The following DNAH1 variants were observed in gnomAD, a reference collection of about 807,000 sequenced individuals.
DNAH1 encodes the protein dynein axonemal heavy chain 1.
In DNAH1, 327 loss-of-function variants were observed where a neutral mutation model predicts 484.3. The observed-to-expected ratio is 0.68, with a 90% CI of 0.62 to 0.74. DNAH1 has a LOEUF of 0.74. Among genes scored for constraint, DNAH1 ranks in the 30% least tolerant of loss-of-function variants. The pLI is 0.00. For missense variants in DNAH1, 5,052 were observed against 5,546.8 expected (o/e 0.91, Z 2.83); for synonymous variants, 2,192 against 2,191.9 (o/e 1.00, Z 0.00).
rs774937357 is a variant in DNAH1, at chr3:52,380,089, C to A, written c.7562C>A (p.Pro2521Gln). 1 of 1,605,298 alleles carries A rather than the reference C, an allele frequency of 6.2e-7. No individual in the cohort carries two copies. The highest frequency in any genetic ancestry group is 8.5e-7 in the Non-Finnish European group (1 of 1,175,952). The change falls in exon 48 of 78, where the codon CCA (proline) becomes CAA (glutamine). Residue 2521 changes from proline (P) to glutamine (Q), a missense_variant. Pro to Gln is a moderately conservative substitution (Grantham distance 76, BLOSUM62 -1). Transcript: ENST00000420323. ...ATTCTTTACGGGGACTTCATGTCAC[C>A]AGGCTCCGATGTCAAGTCCTACGAG... Reference protein sequence around the residue: ...QPILYGDFMSPGSDVKSYELI... With the variant: ...QPILYGDFMSQGSDVKSYELI...
rs758289927 is a variant in DNAH1, at chr3:52,322,712, G to A, written c.270G>A (p.Pro90=). The A allele has an allele frequency of 3.5e-5, 57 of 1,613,278 alleles. No individual in the cohort carries two copies. Among genetic ancestry groups the A allele is most frequent in the Admixed American group, 1.0e-4 (6 of 59,918 alleles). ...SPLTGTDKKY[P]LMKQRGFYSD... is the part of the protein sequence containing the mutation. ...TGACAGGCACTGATAAGAAGTACCC[G>A]CTGATGAAGCAGCGTGGGTTCTACT... The change falls in exon 2 of 78, where the codon CCG becomes CCA. Residue 90 remains proline (P), a synonymous_variant. Coordinates refer to ENST00000420323, the MANE Select transcript of DNAH1 (RefSeq NM_015512.5).
In DNAH1 at chr3:52,370,821, AGCAGGTGGCC is replaced by A; in HGVS notation, c.6525+2_6525+11del. 1 of 1,596,488 alleles carries A rather than the reference AGCAGGTGGCC, an allele frequency of 6.3e-7. No homozygotes were observed. The highest frequency in any genetic ancestry group is 8.5e-7 in the Non-Finnish European group (1 of 1,172,052). On this transcript the variant is annotated splice_donor_variant and splice_donor_5th_base_variant and coding_sequence_variant and intron_variant, in exon 41 of 78. Transcript: ENST00000420323. LOFTEE classifies it high-confidence loss of function. ...AGTGAGGATGAAGAGGAGGAATACA[AGCAGGTGGCC>A]GCAGGCCCTCCCCAGAGACTGCACA...
Position 52,394,327 on chromosome 3 carries a change from C to T in DNAH1, c.10627-138C>T, listed in dbSNP as rs1227887432. 4.9e-6 allele frequency: 4 copies of T among 808,170 alleles called. No individual in the cohort carries two copies. In the African/African-American group the frequency reaches 6.9e-5, roughly 14 times the overall value. 50.1% of individuals were successfully genotyped at this position (808,170 alleles called of 1,614,324 possible). A position where few individuals can be genotyped will look rare whatever the true frequency, so the allele number is the denominator to read the frequency against. On this transcript the variant is annotated intron_variant, in intron 66 of 77. Transcript: ENST00000420323. The stretch of plus-strand genomic sequence containing the variant: ...GGCAGGGTGGGAACACTAACCCAGA[C>T]CTGTTTGACTACCATCCCCAAGGGA...
Position 52,381,578 on chromosome 3 carries a change from G to A in DNAH1, c.7609-62G>A. ...AGAGAAGAAAGCGGGTGGGTGGGGG[G>A]AATCGGGGAGACCCTACAGTAAGAG... On this transcript the variant is annotated intron_variant, in intron 48 of 77. Coordinates refer to ENST00000420323, the MANE Select transcript of DNAH1 (RefSeq NM_015512.5). The surrounding 1 kb of genome is among the most constrained non-coding windows in gnomAD (Gnocchi z 4.1). The A allele has an allele frequency of 2.1e-6, 3 of 1,454,920 alleles. No individual in the cohort carries two copies. Among genetic ancestry groups the A allele is most frequent in the Non-Finnish European group, 2.8e-6 (3 of 1,077,292 alleles). The allele number at this position is 1,454,920 out of a possible 1,614,324, so 90.1% of individuals were successfully genotyped here.
intron 22 of DNAH1, among the ~76,000 whole-genome samples, chr3:52,357,201 G>A (rs1702649177): frequency 1.3e-5 from 2 of 151,926 alleles, no homozygotes; most frequent in Admixed American, 6.6e-5. Context: ...ACAGGCATGC[G>A]CCACCACGCG....
At position 52,348,819 on chromosome 3, in the gene DNAH1, C is replaced by T. The variant is rs112781608; in HGVS notation, c.2107-69C>T. ...TGCCCTGCTCCTCGGGAGGACTCCC[C>T]ATCTCCCCTCTGCTCATTCACCCCC... On this transcript the variant is annotated intron_variant, in intron 12 of 77. Transcript: ENST00000420323. 46 of 1,543,096 alleles carry T rather than the reference C, an allele frequency of 3.0e-5. No individual in the cohort carries two copies. In the African/African-American group the frequency reaches 4.3e-4, roughly 14 times the overall value.
chr3:52,378,399 G>A (rs1703695067), intron 46 of DNAH1, among the ~76,000 whole-genome samples: 1 of 150,658 alleles, frequency 6.6e-6, no homozygotes, highest in African/African-American at 2.5e-5. Context: ...AAGATATAAG[G>A]GGTGCAGAGC....
intron 60 of DNAH1, 122 bp downstream of exon 60, chr3:52,389,708 G>C (rs1704286520): frequency 8.7e-7 from 1 of 1,152,604 alleles, no homozygotes. Context: ...TGCCTCTGCT[G>C]AACCCTCCTG....
In DNAH1 at chr3:52,390,978, T is replaced by A; in HGVS notation, c.9665T>A (p.Val3222Asp). ...PNDTLSVENGVINQFSQRWTH... is the reference protein window; with the variant it reads ...PNDTLSVENGDINQFSQRWTH... ...GACACACTGTCAGTGGAGAACGGGG[T>A]CATCAACCAGTTTTCCCAGCGCTGG... The change falls in exon 61 of 78, where the codon GTC becomes GAC. Residue 3222 changes from valine to aspartate, a missense_variant. Coordinates refer to ENST00000420323, the MANE Select transcript of DNAH1 (RefSeq NM_015512.5). The A allele has an allele frequency of 6.4e-7, 1 of 1,552,416 alleles. No homozygotes were observed. The highest frequency in any genetic ancestry group is 1.2e-5 in the South Asian group (1 of 84,060).
chr3:52,333,627 A>T (rs1464696919), intron 8 of DNAH1, among the ~76,000 whole-genome samples: 1 of 152,098 alleles, frequency 6.6e-6, no homozygotes, highest in Non-Finnish European at 1.5e-5. Context: ...ACCTCAGGTA[A>T]TCCACTCGCC....
rs771660112 is a variant in DNAH1, at chr3:52,347,986, A to G, written c.2106+12A>G. On this transcript the variant is annotated intron_variant, in intron 12 of 77. Coordinates refer to ENST00000420323, the MANE Select transcript of DNAH1 (RefSeq NM_015512.5). ...CCCAGCTGGAGAAGGTACGTGCTGC[A>G]GCCTGAGCAGGCCCCAGGCACCTGC... The G allele has an allele frequency of 2.5e-6, 4 of 1,600,232 alleles. No individual in the cohort carries two copies. The highest frequency in any genetic ancestry group is 3.4e-6 in the Non-Finnish European group (4 of 1,173,294).
At position 52,396,752 on chromosome 3, in the gene DNAH1, C is replaced by G; in HGVS notation, c.11565C>G (p.Ser3855Arg). ...FTDGDLRICISQLKMFLDEYD... is the reference protein window; with the variant it reads ...FTDGDLRICIRQLKMFLDEYD... ...ATGGAGATCTGCGCATCTGCATCAG[C>G]CAGCTCAAGATGTTCCTGGACGAAT... The change falls in exon 72 of 78, where the codon AGC becomes AGG. Residue 3855 changes from serine (S) to arginine (R), a missense_variant. Coordinates refer to ENST00000420323, the MANE Select transcript of DNAH1 (RefSeq NM_015512.5). The G allele has an allele frequency of 1.2e-6, 2 of 1,613,774 alleles. No individual in the cohort carries two copies. Among genetic ancestry groups the G allele is most frequent in the Non-Finnish European group, 1.7e-6 (2 of 1,179,882 alleles).
chr3:52,385,994 G>A (rs1704087958), intron 54 of DNAH1, among the ~76,000 whole-genome samples, 166 bp from the exon 55 acceptor site: 2 of 152,254 alleles, frequency 1.3e-5, no homozygotes, highest in Non-Finnish European at 2.9e-5. Flanking sequence ...CCCATGGTGA[G>A]CACTCAGGAG....
upstream of DNAH1, among the ~76,000 whole-genome samples, chr3:52,311,583 C>G (rs552831689): frequency 6.6e-6 from 1 of 152,300 alleles, no homozygotes; most frequent in African/African-American, 2.4e-5. Flanking sequence ...TTTCTTTAAC[C>G]TGCCCTCCAG....
At chr3:52,322,333 C>A in intron 1 of DNAH1, 76 bp from the exon 2 acceptor site, 1 of 1,009,472 alleles carries the variant, frequency 9.9e-7, no homozygotes, top group Non-Finnish European at 1.4e-6. Flanking sequence ...GGCAGGCAGG[C>A]AATCTAGGCA....
chr3:52,362,563 T>C lies in DNAH1; in HGVS notation c.5094+62T>C, dbSNP rs1299166169. 2.4e-5 allele frequency: 34 copies of C among 1,413,634 alleles called. No homozygotes were observed. Among genetic ancestry groups the C allele is most frequent in the Non-Finnish European group, 3.3e-5 (34 of 1,019,238 alleles). 87.6% of individuals were successfully genotyped at this position (1,413,634 alleles called of 1,614,324 possible). On this transcript the variant is annotated intron_variant, in intron 31 of 77. Coordinates refer to ENST00000420323, the MANE Select transcript of DNAH1 (RefSeq NM_015512.5). This position sits in a 1 kb window ranked among gnomAD's most constrained non-coding sequence, Gnocchi z 5.1. ...AGCTCTAGCCTGAGTTCAGAGATGC[T>C]AAGCCACTTATGCAAGGACACAGTT...
rs373427372 is a variant in DNAH1, at chr3:52,381,720, C to T, written c.7689C>T (p.Asp2563=). The T allele has an allele frequency of 2.0e-5, 32 of 1,605,986 alleles. No individual in the cohort carries two copies. Among genetic ancestry groups the T allele is most frequent in the African/African-American group, 1.9e-4 (14 of 74,778 alleles). The change falls in exon 49 of 78, where the codon GAC becomes GAT. Residue 2563 remains aspartate, a synonymous_variant. Coordinates refer to ENST00000420323, the MANE Select transcript of DNAH1 (RefSeq NM_015512.5). The surrounding 1 kb of genome is among the most constrained non-coding windows in gnomAD (Gnocchi z 4.1). ...TAKLKLVLFM[D]AMSHICRISR... ...AGCTGAAGCTGGTCCTCTTCATGGA[C>T]GCCATGAGCCACATCTGTCGCATCA...
chr3:52,391,354 G>A lies in DNAH1; in HGVS notation c.9891+26G>A, dbSNP rs542372397. On this transcript the variant is annotated intron_variant, in intron 62 of 77. Coordinates refer to ENST00000420323, the MANE Select transcript of DNAH1 (RefSeq NM_015512.5). The stretch of plus-strand genomic sequence containing the variant: ...GTGGGTCTGCAGTGGTGATGGCAGG[G>A]TGGCAGTAGGCCTGGACAGGGCAGT... The A allele has an allele frequency of 4.5e-4, 720 of 1,599,016 alleles. 4 individuals are homozygous for A. The South Asian group carries it at 7.5e-3, about 17-fold the overall frequency.
chr3:52,350,171 G>T, intron 15 of DNAH1, 63 bp downstream of exon 15: 1 of 1,575,048 alleles, frequency 6.3e-7, no homozygotes, highest in Admixed American at 1.9e-5. Flanking sequence ...GAGTCCGAGG[G>T]CTGGGGCAGG....
Sources: allele counts gnomAD v4.1 joint callset (sites outside exome capture counted in the v4.1 genomes callset), GRCh38; gene constraint gnomAD v4.1.1; non-coding constraint Gnocchi (gnomAD v3.1); transcripts MANE v1.5; gene names NCBI Gene and HGNC (gene_info 2026-07-23, HGNC 2026-07-21).